The following LRP1B variants were observed in gnomAD, a reference collection of about 807,000 sequenced individuals.
LRP1B encodes the protein LDL receptor related protein 1B, also known as low-density lipoprotein receptor-related protein 1B.
In LRP1B, 217 loss-of-function variants were observed where a neutral mutation model predicts 556.6. The ratio of observed to expected loss-of-function variants is 0.39; its 90% CI spans 0.35 to 0.44. The LOEUF (loss-of-function observed/expected upper bound fraction) is 0.44. Among genes scored for constraint, LRP1B ranks in the 20% least tolerant of loss-of-function variants. LRP1B has a pLI of 1.00. For synonymous variants in LRP1B, 2,047 were observed against 1,865.8 expected (o/e 1.10, Z -2.50); for missense variants, 5,053 against 5,620.8 (o/e 0.90, Z 3.23).
intron 3 of LRP1B, among the ~76,000 whole-genome samples, chr2:141,322,441 C>T (rs996932937): frequency 1.3e-5 from 2 of 151,868 alleles, no homozygotes; most frequent in East Asian, 1.9e-4. Flanking sequence ...TAGGTATGTC[C>T]GAGTCCTGGT....
chr2:141,415,749 T>C (rs1201020772), intron 3 of LRP1B, among the ~76,000 whole-genome samples: 1 of 152,134 alleles, frequency 6.6e-6, no homozygotes, highest in African/African-American at 2.4e-5. Context: ...TTTTTAAATA[T>C]TACTTGTAAA....
chr2:141,766,605 C>T (rs1331343860), intron 2 of LRP1B, among the ~76,000 whole-genome samples: 1 of 152,094 alleles, frequency 6.6e-6, no homozygotes, highest in East Asian at 1.9e-4. Flanking sequence ...ACACTTCTCT[C>T]CAACAGAAAA....
intron 50 of LRP1B, 44 bp downstream of exon 50, chr2:140,516,845 T>C (rs1689923929): frequency 3.8e-6 from 6 of 1,586,372 alleles, no homozygotes; most frequent in Non-Finnish European, 5.2e-6. Flanking sequence ...AACATATAAG[T>C]AATAGTAAGG....
At chr2:140,284,815 AT>A (rs1683064238) in intron 84 of LRP1B, among the ~76,000 whole-genome samples, 1 of 151,048 alleles carries the variant, frequency 6.6e-6, no homozygotes, top group Non-Finnish European at 1.5e-5. Flanking sequence ...ATAGATGTAT[AT>A]TTGTCTCTCT....
intron 3 of LRP1B, among the ~76,000 whole-genome samples, chr2:141,476,918 G>A (rs1404999515): frequency 6.6e-6 from 1 of 152,166 alleles, no homozygotes; most frequent in Non-Finnish European, 1.5e-5. Flanking sequence ...GAGGTTGGGA[G>A]TTTGAGACCA....
intron 11 of LRP1B, among the ~76,000 whole-genome samples, chr2:141,046,030 G>A (rs1698858461): frequency 6.6e-6 from 1 of 152,000 alleles, no homozygotes; most frequent in African/African-American, 2.4e-5. Flanking sequence ...AAAGCCAACA[G>A]TATATGCAAC....
intron 35 of LRP1B, among the ~76,000 whole-genome samples, chr2:140,726,480 C>T (rs1687598366): frequency 1.3e-5 from 2 of 152,164 alleles, no homozygotes; most frequent in Non-Finnish European, 2.9e-5. Flanking sequence ...TTCTCCTCCA[C>T]TCCCGATAAG....
intron 2 of LRP1B, among the ~76,000 whole-genome samples, chr2:141,635,096 C>A (rs984366945): frequency 2.0e-5 from 3 of 150,912 alleles, no homozygotes; most frequent in Admixed American, 1.3e-4. Flanking sequence ...AAGACTTACT[C>A]CCATTCATTC....
chr2:140,881,730 A>T (rs1020985871), intron 25 of LRP1B, among the ~76,000 whole-genome samples: 1 of 151,952 alleles, frequency 6.6e-6, no homozygotes, highest in African/African-American at 2.4e-5. Context: ...GAAGGTATCA[A>T]CTCCCCCAGA....
At chr2:141,996,484 C>T (rs541545230) in intron 1 of LRP1B, among the ~76,000 whole-genome samples, 27 of 152,134 alleles carry the variant, frequency 1.8e-4, no homozygotes, top group South Asian at 6.2e-4. Flanking sequence ...AATGAGATAA[C>T]GTGGGAAAAC....
At chr2:140,821,583 G>A (rs565658878) in intron 31 of LRP1B, among the ~76,000 whole-genome samples, 1 of 152,142 alleles carries the variant, frequency 6.6e-6, no homozygotes, top group African/African-American at 2.4e-5. Flanking sequence ...TTTTGATGTG[G>A]GAAAAAGTGC....
intron 2 of LRP1B, among the ~76,000 whole-genome samples, chr2:141,580,329 G>T (rs1253644835): frequency 6.6e-6 from 1 of 152,078 alleles, no homozygotes; most frequent in Non-Finnish European, 1.5e-5. Context: ...AATTACAATG[G>T]CAACTTCTTG....
chr2:141,839,372 C>T (rs915087393), intron 1 of LRP1B, among the ~76,000 whole-genome samples: 1 of 152,184 alleles, frequency 6.6e-6, no homozygotes, highest in Non-Finnish European at 1.5e-5. Context: ...TATGTATATA[C>T]ACAAACATGC....
intron 20 of LRP1B, among the ~76,000 whole-genome samples, chr2:140,924,513 C>T (rs1416852592): frequency 6.6e-6 from 1 of 151,918 alleles, no homozygotes; most frequent in Non-Finnish European, 1.5e-5. Flanking sequence ...CTAAATATTG[C>T]TTGTGCAGTA....
chr2:140,833,449 C>A (rs953210336), intron 31 of LRP1B, among the ~76,000 whole-genome samples: 1 of 152,102 alleles, frequency 6.6e-6, no homozygotes, highest in Non-Finnish European at 1.5e-5. Context: ...TAAAATCTTA[C>A]GTGTTTTTAT....
chr2:141,259,595 C>A (rs1322870703), intron 3 of LRP1B, among the ~76,000 whole-genome samples: 1 of 152,170 alleles, frequency 6.6e-6, no homozygotes, highest in African/African-American at 2.4e-5. Context: ...GGCACAAGCC[C>A]ACAATGGAAA....
At chr2:141,827,480 A>G (rs902289496) in intron 1 of LRP1B, among the ~76,000 whole-genome samples, 4 of 152,336 alleles carry the variant, frequency 2.6e-5, no homozygotes, top group South Asian at 4.1e-4. Context: ...GAGGCCACTT[A>G]TAAGACCTTA....
At chr2:141,570,103 A>C in intron 2 of LRP1B, among the ~76,000 whole-genome samples, 1 of 150,238 alleles carries the variant, frequency 6.7e-6, no homozygotes, top group Non-Finnish European at 1.5e-5. Context: ...GAGATGACTG[A>C]CTAGAAGCAG....
intron 41 of LRP1B, among the ~76,000 whole-genome samples, chr2:140,624,046 A>G (rs928914446): frequency 2.7e-5 from 4 of 149,276 alleles, no homozygotes; most frequent in Admixed American, 6.8e-5. Flanking sequence ...TGTCCAAGCC[A>G]CATGGTTTAA....
Sources: gnomAD v4.1 joint callset for allele counts (sites outside exome capture counted in the v4.1 genomes callset) on GRCh38, gnomAD v4.1.1 for gene constraint, MANE v1.5 for transcripts, NCBI Gene and HGNC (gene_info 2026-07-23, HGNC 2026-07-21) for gene names.